Variants in COL5A2 observed in about 807,000 individuals in gnomAD.
COL5A2 encodes the protein collagen type V alpha 2 chain.
COL5A2 carries 23 observed loss-of-function variants against 208.2 expected under a neutral mutation model. That is an observed-to-expected ratio of 0.11 (90% CI 0.08 to 0.16). The LOEUF (loss-of-function observed/expected upper bound fraction) is 0.16. COL5A2 is among the 10% of genes least tolerant of loss of function. The pLI is 1.00. For missense variants in COL5A2, 1,590 were observed against 1,956.4 expected (o/e 0.81, Z 3.53); for synonymous variants, 625 against 628.5 (o/e 0.99, Z 0.08).
chr2:189,334,531 C>A, the COL5A2 span, among the ~76,000 whole-genome samples: 1 of 151,786 alleles, frequency 6.6e-6, no homozygotes, highest in Non-Finnish European at 1.5e-5. Context: ...TAAATCTAAC[C>A]AAATTTCAAG....
chr2:189,301,551 G>T, the COL5A2 span, among the ~76,000 whole-genome samples: 3 of 152,082 alleles, frequency 2.0e-5, no homozygotes, highest in Non-Finnish European at 4.4e-5. Context: ...ATATGAGATT[G>T]TTTGCCCAAA....
At chr2:189,292,373 G>A in the COL5A2 span, among the ~76,000 whole-genome samples, 1 of 152,124 alleles carries the variant, frequency 6.6e-6, no homozygotes, top group Non-Finnish European at 1.5e-5. Context: ...CCATTCTGCT[G>A]CTTCCAAAAG....
At chr2:189,274,691 A>T in the COL5A2 span, among the ~76,000 whole-genome samples, 3 of 151,982 alleles carry the variant, frequency 2.0e-5, no homozygotes, top group African/African-American at 7.2e-5. Context: ...ACTTTTTTTC[A>T]TTCATCCCTG....
the COL5A2 span, among the ~76,000 whole-genome samples, chr2:189,411,486 T>G: frequency 6.6e-6 from 1 of 152,090 alleles, no homozygotes; most frequent in East Asian, 1.9e-4. Flanking sequence ...TCCACCTACT[T>G]TTTTTTGGAA....
the COL5A2 span, among the ~76,000 whole-genome samples, chr2:189,385,871 G>T: frequency 6.6e-6 from 1 of 152,160 alleles, no homozygotes; most frequent in African/African-American, 2.4e-5. Flanking sequence ...CTGTTCTCAT[G>T]ATGCTAATAA....
At chr2:189,095,817 C>A (rs745958756) in intron 6 of COL5A2, 11 of 151,716 alleles carry the variant, frequency 7.3e-5, no homozygotes, top group Non-Finnish European at 1.3e-4. Flanking sequence ...TTATTTTCTA[C>A]CTATTTCTGT....
intron 35 of COL5A2, chr2:189,056,722 G>A: frequency 1.8e-6 from 1 of 550,088 alleles, no homozygotes; most frequent in East Asian, 3.1e-5. Context: ...AAGATAAAGA[G>A]GGCCCCCATC....
At chr2:189,305,245 A>G in the COL5A2 span, among the ~76,000 whole-genome samples, 3 of 152,230 alleles carry the variant, frequency 2.0e-5, no homozygotes, top group Non-Finnish European at 4.4e-5. Flanking sequence ...GCGTGGGCCC[A>G]ACAGCAGAGC....
intron 1 of COL5A2, among the ~76,000 whole-genome samples, chr2:189,208,063 T>C (rs1019566916): frequency 1.3e-5 from 2 of 152,226 alleles, no homozygotes; most frequent in Non-Finnish European, 1.5e-5. Flanking sequence ...CTATTACTTT[T>C]GAGCTACGAA....
At position 189,079,119 on chromosome 2, in the gene COL5A2, T is replaced by A. The variant is rs1303631224; in HGVS notation, c.961-12A>T. 6.2e-7 allele frequency: 1 copy of A among 1,601,780 alleles called. No homozygotes were observed. On this transcript the variant is annotated splice_polypyrimidine_tract_variant and intron_variant, in intron 14 of 53. Coordinates refer to ENST00000374866, the MANE Select transcript of COL5A2 (RefSeq NM_000393.5). ...GGGCCAGCTTCACCCTAAAAAAAAA[T>A]GAGAATACATTACAGTATGAGAAGC...
At chr2:189,414,728 T>C in the COL5A2 span, among the ~76,000 whole-genome samples, 1 of 123,444 alleles carries the variant, frequency 8.1e-6, no homozygotes, top group Non-Finnish European at 1.6e-5. Context: ...CACTCCAGCC[T>C]GGGTGACAGA....
the COL5A2 span, among the ~76,000 whole-genome samples, chr2:189,378,703 G>A: frequency 3.4e-5 from 5 of 147,060 alleles, no homozygotes; most frequent in East Asian, 4.0e-4. Context: ...TAGCCTGGGC[G>A]ACAGTGCGAG....
At chr2:189,384,936 C>T in the COL5A2 span, among the ~76,000 whole-genome samples, 2 of 152,166 alleles carry the variant, frequency 1.3e-5, no homozygotes, top group African/African-American at 4.8e-5. Context: ...TCATATTAAA[C>T]ATCCATCATT....
At chr2:189,085,569 A>T (rs1293979291) in intron 10 of COL5A2, 150 bp downstream of exon 10, 4 of 678,354 alleles carry the variant, frequency 5.9e-6, no homozygotes, top group Non-Finnish European at 1.1e-5. Flanking sequence ...CATATAGCTT[A>T]AGAACAGTTC....
At position 189,078,540 on chromosome 2, in the gene COL5A2, C is replaced by G. The variant is rs148786600; in HGVS notation, c.1035G>C (p.Gly345=). The G allele has an allele frequency of 5.4e-4, 864 of 1,612,606 alleles. 8 individuals carry two copies. The East Asian group carries it at 0.017, about 31-fold the overall frequency. ...CAGGAGCACCCTGTGGCCCAAGTCT[C>G]CCTCTCTCTCCTGGCATTCCCCTCG... ...LGPRGMPGER[G]RLGPQGAPGQ... The change falls in exon 16 of 54, where the codon GGG becomes GGC. Residue 345 remains glycine (G), a synonymous_variant. Transcript: ENST00000374866.
chr2:189,301,479 A>G, the COL5A2 span, among the ~76,000 whole-genome samples: 1 of 152,158 alleles, frequency 6.6e-6, no homozygotes, highest in African/African-American at 2.4e-5. Flanking sequence ...TTCTTTAAAA[A>G]ATCTATCATT....
the COL5A2 span, among the ~76,000 whole-genome samples, chr2:189,342,044 T>C: frequency 1.3e-5 from 2 of 152,074 alleles, no homozygotes; most frequent in Non-Finnish European, 2.9e-5. Flanking sequence ...TCTCAGCTAC[T>C]TTCTTAAATA....
chr2:189,324,211 C>T, the COL5A2 span, among the ~76,000 whole-genome samples: 1 of 152,038 alleles, frequency 6.6e-6, no homozygotes, highest in Non-Finnish European at 1.5e-5. Flanking sequence ...CCATAAAAAC[C>T]CTAGAAGAAA....
the COL5A2 span, among the ~76,000 whole-genome samples, chr2:189,273,905 G>A: frequency 6.6e-6 from 1 of 152,020 alleles, no homozygotes; most frequent in Non-Finnish European, 1.5e-5. Flanking sequence ...TTAGGGAGAA[G>A]GAGTAAGTTT....
Sources: gnomAD v4.1 joint callset for allele counts (sites outside exome capture counted in the v4.1 genomes callset) on GRCh38, gnomAD v4.1.1 for gene constraint, MANE v1.5 for transcripts, NCBI Gene and HGNC (gene_info 2026-07-23, HGNC 2026-07-21) for gene names.